Variants in SCFD2 observed in about 807,000 individuals in gnomAD.
The protein encoded by SCFD2 is sec1 family domain containing 2.
SCFD2 carries 54 observed loss-of-function variants against 58.9 expected under a neutral mutation model. The ratio of observed to expected loss-of-function variants is 0.92; its 90% confidence interval spans 0.74 to 1.15. The LOEUF is 1.15. Among genes scored for constraint, SCFD2 ranks in the 50% most tolerant of loss-of-function variants. SCFD2 has a pLI of 0.00. For missense variants in SCFD2, 805 were observed against 836.6 expected, an observed-to-expected ratio of 0.96 and a Z score of 0.47; for synonymous variants, 321 against 335.9, an observed-to-expected ratio of 0.96 and a Z score of 0.49.
chr4:53,002,116 G>A (rs993647247), intron 5 of SCFD2, among the ~76,000 whole-genome samples: 5 of 152,256 alleles, frequency 3.3e-5, no homozygotes, highest in African/African-American at 7.2e-5. Flanking sequence ...AGAATGATAC[G>A]GTTCAAAAAG....
At chr4:53,012,836 G>GTGTGTGTGTGTGTGTTTT (rs1553914338) in intron 5 of SCFD2, among the ~76,000 whole-genome samples, 2 of 145,084 alleles carry the variant, frequency 1.4e-5, no homozygotes, top group South Asian at 2.2e-4. Flanking sequence ...GTGTGTGTGT[G>GTGTGTGTGTGTGTGTTTT]TTTTTTTTTA....
At chr4:52,910,926 C>G (rs1719469670) in intron 6 of SCFD2, among the ~76,000 whole-genome samples, 1 of 152,136 alleles carries the variant, frequency 6.6e-6, no homozygotes, top group South Asian at 2.1e-4. Context: ...TTGTAAGTTT[C>G]CTGAGGCCTC....
intron 5 of SCFD2, among the ~76,000 whole-genome samples, chr4:52,928,795 C>T (rs936918565): frequency 2.0e-5 from 3 of 152,228 alleles, no homozygotes; most frequent in South Asian, 4.1e-4. Context: ...ACTCTGGACT[C>T]GCCTTGCATG....
intron 4 of SCFD2, among the ~76,000 whole-genome samples, chr4:53,219,837 A>C (rs1318231636): frequency 6.6e-6 from 1 of 152,174 alleles, no homozygotes; most frequent in African/African-American, 2.4e-5. Flanking sequence ...CTAAGATCAA[A>C]AAATATAAAT....
chr4:53,180,863 C>T (rs6554070), intron 4 of SCFD2, among the ~76,000 whole-genome samples: 148,763 of 152,258 alleles, frequency 0.98, 72,777 homozygotes, highest in Middle Eastern at 1. Flanking sequence ...CATCAGAGAA[C>T]ACTATAAACA....
chr4:52,979,588 A>G (rs1323292274), intron 5 of SCFD2, among the ~76,000 whole-genome samples: 1 of 152,178 alleles, frequency 6.6e-6, no homozygotes. Flanking sequence ...TCTGACATTT[A>G]TCCTGGCACT....
At chr4:53,258,920 G>A (rs1730742794) in intron 4 of SCFD2, among the ~76,000 whole-genome samples, 1 of 151,934 alleles carries the variant, frequency 6.6e-6, no homozygotes, top group South Asian at 2.1e-4. Context: ...GGCCATTCTT[G>A]CAGGAGTAAG....
At position 53,313,650 on chromosome 4, in the gene SCFD2, AT is replaced by A. The variant is rs776987961; in HGVS notation, c.1120del (p.Ile374SerfsTer3). The A allele has an allele frequency of 1.1e-5, 18 of 1,613,790 alleles. No individual in the cohort carries two copies. Among genetic ancestry groups the A allele is most frequent in the South Asian group, 9.9e-5 (9 of 91,070 alleles). On this transcript the variant is annotated frameshift_variant, in exon 3 of 9. Coordinates refer to ENST00000401642, the MANE Select transcript of SCFD2 (RefSeq NM_152540.4). LOFTEE classifies it high-confidence loss of function. Reference sequence around the variant, plus strand: ...TTTAGGCTTACCCATACTCATCTTGATTGGCAGGTTTTCTCTGCTTGCCGCT... The same window carrying A: ...TTTAGGCTTACCCATACTCATCTTGATGGCAGGTTTTCTCTGCTTGCCGCT... ...VEAASRENLP[I>X]KMSMGRVTPG...
chr4:53,161,265 G>T (rs576391053), intron 4 of SCFD2, among the ~76,000 whole-genome samples: 2 of 152,202 alleles, frequency 1.3e-5, no homozygotes, highest in South Asian at 4.1e-4. Flanking sequence ...TCATTGAGCT[G>T]TACTTTTCTA....
intron 5 of SCFD2, among the ~76,000 whole-genome samples, chr4:53,028,801 T>G (rs1016071637): frequency 6.6e-6 from 1 of 152,172 alleles, no homozygotes; most frequent in African/African-American, 2.4e-5. Context: ...AACTAAGTTT[T>G]TTTCTCAATT....
chr4:53,225,519 C>A (rs1383919146), intron 4 of SCFD2, among the ~76,000 whole-genome samples: 4 of 152,182 alleles, frequency 2.6e-5, no homozygotes, highest in Admixed American at 6.5e-5. Context: ...ATGGCAAATA[C>A]TTTTCCTATT....
At chr4:53,146,190 A>T (rs975218465) in intron 4 of SCFD2, among the ~76,000 whole-genome samples, 29 of 152,138 alleles carry the variant, frequency 1.9e-4, no homozygotes, top group Admixed American at 7.2e-4. Flanking sequence ...CATTAAATTT[A>T]AAAAAATTGC....
At chr4:53,343,172 C>G (rs960153403) in intron 2 of SCFD2, among the ~76,000 whole-genome samples, 1 of 152,082 alleles carries the variant, frequency 6.6e-6, no homozygotes, top group East Asian at 1.9e-4. Context: ...AATCCAGGAG[C>G]TGGTTTTCTG....
chr4:53,250,156 C>G (rs1473327917), intron 4 of SCFD2, among the ~76,000 whole-genome samples: 1 of 152,148 alleles, frequency 6.6e-6, no homozygotes, highest in Non-Finnish European at 1.5e-5. Context: ...CAACCCTAGT[C>G]TCGGATAAAA....
At chr4:52,919,259 C>T (rs1719678667) in intron 6 of SCFD2, among the ~76,000 whole-genome samples, 1 of 152,144 alleles carries the variant, frequency 6.6e-6, no homozygotes, top group African/African-American at 2.4e-5. Context: ...TTCTCTTTGC[C>T]AACTACACCA....
chr4:53,151,875 G>A (rs566925084), intron 4 of SCFD2, among the ~76,000 whole-genome samples: 1 of 152,298 alleles, frequency 6.6e-6, no homozygotes, highest in East Asian at 1.9e-4. Context: ...AAGGCAAAGG[G>A]GGTGCTCAGC....
At chr4:52,997,020 G>T (rs1221443769) in intron 5 of SCFD2, among the ~76,000 whole-genome samples, 1 of 152,166 alleles carries the variant, frequency 6.6e-6, no homozygotes, top group East Asian at 1.9e-4. Context: ...GTGCCATCAG[G>T]CACATTCCAA....
At chr4:53,300,253 G>C (rs867353664) in intron 3 of SCFD2, among the ~76,000 whole-genome samples, 3 of 151,920 alleles carry the variant, frequency 2.0e-5, no homozygotes, top group South Asian at 2.1e-4. Flanking sequence ...GATGGAGGAA[G>C]ATCTACCAAG....
At chr4:53,290,644 A>C (rs1040665507) in intron 3 of SCFD2, among the ~76,000 whole-genome samples, 1 of 151,994 alleles carries the variant, frequency 6.6e-6, no homozygotes, top group Non-Finnish European at 1.5e-5. Flanking sequence ...AGAAGAGAAA[A>C]ACCATGGAAA....
Sources: gnomAD v4.1 joint callset for allele counts (sites outside exome capture counted in the v4.1 genomes callset) on GRCh38, gnomAD v4.1.1 for gene constraint, MANE v1.5 for transcripts, NCBI Gene and HGNC (gene_info 2026-07-23, HGNC 2026-07-21) for gene names.